NSMCE2: variants seen among roughly 807,000 people sequenced by gnomAD.
NSMCE2 encodes NSE2 SUMO ligase component of SMC5/6 complex, also known as E3 SUMO-protein ligase NSE2.
In NSMCE2, 24 loss-of-function variants were observed where a neutral mutation model predicts 23.8. The observed-to-expected ratio is 1.01, with a 90% CI of 0.73 to 1.42. The LOEUF is 1.42. Ranked by LOEUF, NSMCE2 falls within the 40% of genes most tolerant of loss-of-function variation. The pLI is 0.00. For missense variants in NSMCE2, 284 were observed against 296.5 expected, an observed-to-expected ratio of 0.96 and a Z score of 0.31; for synonymous variants, 92 against 94.1, an observed-to-expected ratio of 0.98 and a Z score of 0.13.
At chr8:125,240,578 C>G (rs1825732127) in intron 5 of NSMCE2, among the ~76,000 whole-genome samples, 1 of 152,190 alleles carries the variant, frequency 6.6e-6, no homozygotes. Context: ...AATTCTTTTT[C>G]TGCATCACCT....
intron 7 of NSMCE2, among the ~76,000 whole-genome samples, chr8:125,364,144 A>G (rs1264175371): frequency 6.6e-6 from 1 of 152,152 alleles, no homozygotes; most frequent in East Asian, 1.9e-4. Flanking sequence ...GGGTTTCGCC[A>G]TGTTGGCCAG....
chr8:125,177,581 G>T (rs1822560396), intron 4 of NSMCE2, among the ~76,000 whole-genome samples: 2 of 152,172 alleles, frequency 1.3e-5, no homozygotes, highest in Admixed American at 1.3e-4. Context: ...CAGGCAGCGG[G>T]CCAGACACTA....
intron 5 of NSMCE2, among the ~76,000 whole-genome samples, chr8:125,340,000 T>C (rs1225658589): frequency 7.0e-6 from 1 of 142,490 alleles, no homozygotes; most frequent in Non-Finnish European, 1.5e-5. Flanking sequence ...TCCGACGTTG[T>C]AGTTTTTTTT....
At chr8:125,322,926 A>G (rs11782629) in intron 5 of NSMCE2, among the ~76,000 whole-genome samples, 67,001 of 152,136 alleles carry the variant, frequency 0.44, 17,044 homozygotes, top group East Asian at 0.55. Context: ...GGGTGTGGTG[A>G]CGCATGCCTG....
chr8:125,363,928 G>A (rs1236044638), intron 7 of NSMCE2, among the ~76,000 whole-genome samples: 1 of 151,930 alleles, frequency 6.6e-6, no homozygotes, highest in African/African-American at 2.4e-5. Flanking sequence ...TGAGTATGTA[G>A]GGCACTTTTT....
At chr8:125,323,070 T>G (rs1477389750) in intron 5 of NSMCE2, among the ~76,000 whole-genome samples, 1 of 152,144 alleles carries the variant, frequency 6.6e-6, no homozygotes, top group African/African-American at 2.4e-5. Flanking sequence ...GAAAAATATA[T>G]GTATATATGA....
intron 5 of NSMCE2, among the ~76,000 whole-genome samples, chr8:125,320,733 A>G (rs780229841): frequency 3.3e-4 from 50 of 152,340 alleles, no homozygotes; most frequent in Non-Finnish European, 5.6e-4. Context: ...CCTGCATTAC[A>G]AGAAATGTTA....
At chr8:125,322,057 C>A (rs1367200551) in intron 5 of NSMCE2, among the ~76,000 whole-genome samples, 3 of 151,628 alleles carry the variant, frequency 2.0e-5, no homozygotes, top group Non-Finnish European at 1.5e-5. Context: ...ATCTTTTTTC[C>A]ATTTTTTGGA....
chr8:125,212,822 C>A (rs1382056244), intron 5 of NSMCE2, among the ~76,000 whole-genome samples: 1 of 152,132 alleles, frequency 6.6e-6, no homozygotes, highest in African/African-American at 2.4e-5. Flanking sequence ...TAGATTTCAG[C>A]CCGGGTTCTA....
At chr8:125,266,097 T>TC (rs1157822934) in intron 5 of NSMCE2, among the ~76,000 whole-genome samples, 2 of 150,392 alleles carry the variant, frequency 1.3e-5, no homozygotes, top group South Asian at 2.1e-4. Context: ...TTTTTCTTTT[T>TC]TTTTTTTTTT....
At chr8:125,234,812 A>G (rs76436464) in intron 5 of NSMCE2, among the ~76,000 whole-genome samples, 11,612 of 152,068 alleles carry the variant, frequency 0.076, 557 homozygotes, top group Middle Eastern at 0.29. Flanking sequence ...CCCTCTTCAG[A>G]TACCATTTTT....
intron 5 of NSMCE2, among the ~76,000 whole-genome samples, chr8:125,295,381 T>C (rs1458937858): frequency 1.3e-5 from 2 of 152,146 alleles, no homozygotes; most frequent in Non-Finnish European, 2.9e-5. Context: ...CATTTGATAA[T>C]AAAATTAAAA....
chr8:125,214,602 CA>C (rs772121147), intron 5 of NSMCE2, among the ~76,000 whole-genome samples: 8 of 152,088 alleles, frequency 5.3e-5, no homozygotes, highest in Non-Finnish European at 7.4e-5. Flanking sequence ...TTTAGGTTAA[CA>C]GAATGGAACA....
intron 5 of NSMCE2, among the ~76,000 whole-genome samples, chr8:125,316,769 T>C (rs548852864): frequency 5.0e-5 from 7 of 140,410 alleles, no homozygotes; most frequent in African/African-American, 1.9e-4. Flanking sequence ...CCTTCCTTCC[T>C]TCTCTCTCTC....
intron 5 of NSMCE2, among the ~76,000 whole-genome samples, chr8:125,308,822 T>C (rs1828858824): frequency 6.6e-6 from 1 of 152,176 alleles, no homozygotes; most frequent in Non-Finnish European, 1.5e-5. Flanking sequence ...CTCAAGTTCT[T>C]CCCCACCTTT....
intron 3 of NSMCE2, among the ~76,000 whole-genome samples, chr8:125,132,474 A>G (rs1435617379): frequency 6.7e-6 from 1 of 149,094 alleles, no homozygotes; most frequent in East Asian, 2.0e-4. Context: ...TCTTAAGACA[A>G]TTTTTAAATT....
intron 1 of NSMCE2, among the ~76,000 whole-genome samples, chr8:125,093,994 G>T (rs1298299613): frequency 6.6e-6 from 1 of 151,648 alleles, no homozygotes; most frequent in Non-Finnish European, 1.5e-5. Flanking sequence ...TGTAGAGTTG[G>T]GGTCTTGCTG....
At chr8:125,119,185 C>T (rs777692379) in intron 3 of NSMCE2, among the ~76,000 whole-genome samples, 7 of 152,180 alleles carry the variant, frequency 4.6e-5, no homozygotes, top group Non-Finnish European at 7.3e-5. Flanking sequence ...GAATCTCACT[C>T]CATAAATTTC....
chr8:125,211,941 A>C (rs751809574), intron 5 of NSMCE2, among the ~76,000 whole-genome samples: 3 of 152,160 alleles, frequency 2.0e-5, no homozygotes, highest in Non-Finnish European at 4.4e-5. Flanking sequence ...AGTTTCTGAT[A>C]TTCTGTTCCA....
Sources: gnomAD v4.1 joint callset for allele counts (sites outside exome capture counted in the v4.1 genomes callset) on GRCh38, gnomAD v4.1.1 for gene constraint, MANE v1.5 for transcripts, NCBI Gene and HGNC (gene_info 2026-07-23, HGNC 2026-07-21) for gene names.